The following GLRX3 variants were observed in gnomAD, a reference collection of about 807,000 sequenced individuals.
The protein encoded by GLRX3 is glutaredoxin 3.
A neutral mutation model predicts 49.5 loss-of-function variants in GLRX3; 22 were observed. That is an observed-to-expected ratio of 0.44 (90% CI 0.32 to 0.63). The LOEUF (loss-of-function observed/expected upper bound fraction) is 0.63. GLRX3 is among the 30% of genes least tolerant of loss of function. GLRX3 has a pLI of 0.05. For missense variants in GLRX3, 385 were observed against 396.3 expected, an observed-to-expected ratio of 0.97 and a Z score of 0.24; for synonymous variants, 133 against 140.0, an observed-to-expected ratio of 0.95 and a Z score of 0.35.
At chr10:130,163,948 G>A (rs1035132208) in intron 4 of GLRX3, among the ~76,000 whole-genome samples, 9 of 152,212 alleles carry the variant, frequency 5.9e-5, no homozygotes, top group African/African-American at 1.9e-4. Context: ...CCACTGCGGA[G>A]TATTTTGATG....
chr10:130,144,110 A>ACTG (rs1254130340), intron 1 of GLRX3, among the ~76,000 whole-genome samples: 1 of 152,118 alleles, frequency 6.6e-6, no homozygotes, highest in African/African-American at 2.4e-5. Flanking sequence ...TTCAACACTT[A>ACTG]CTGCTGTTTC....
chr10:130,150,239 CAAAAAAAAAA>C (rs35014993), intron 2 of GLRX3, among the ~76,000 whole-genome samples: 1 of 94,538 alleles, frequency 1.1e-5, no homozygotes. Flanking sequence ...GACTCCATCT[CAAAAAAAAAA>C]AAAAAAGAAA....
intron 6 of GLRX3, among the ~76,000 whole-genome samples, chr10:130,169,048 C>A (rs1862751597): frequency 6.6e-6 from 1 of 152,150 alleles, no homozygotes; most frequent in Non-Finnish European, 1.5e-5. Context: ...TACACGTGTA[C>A]AGTGGTATGC....
chr10:130,162,354 A>C (rs1862591097), intron 4 of GLRX3, among the ~76,000 whole-genome samples: 1 of 152,210 alleles, frequency 6.6e-6, no homozygotes. Flanking sequence ...AATGCCTGCT[A>C]TTTGTGTATT....
intron 1 of GLRX3, among the ~76,000 whole-genome samples, chr10:130,142,292 C>T (rs1240551640): frequency 6.6e-6 from 1 of 152,148 alleles, no homozygotes; most frequent in Non-Finnish European, 1.5e-5. Flanking sequence ...AACAGGATTT[C>T]AGGTAGCATC....
chr10:130,176,151 C>G (rs868780049), intron 10 of GLRX3, among the ~76,000 whole-genome samples: 1 of 143,684 alleles, frequency 7.0e-6, no homozygotes, highest in African/African-American at 2.6e-5. Flanking sequence ...GAGAGAGTTT[C>G]GCTCTTGTTC....
At chr10:130,154,136 G>A (rs1368619288) in intron 2 of GLRX3, among the ~76,000 whole-genome samples, 3 of 152,226 alleles carry the variant, frequency 2.0e-5, no homozygotes, top group East Asian at 1.9e-4. Flanking sequence ...GGGACTCACC[G>A]AGCCAGGCAC....
At chr10:130,143,169 A>C (rs1035315407) in intron 1 of GLRX3, among the ~76,000 whole-genome samples, 1 of 152,024 alleles carries the variant, frequency 6.6e-6, no homozygotes, top group Non-Finnish European at 1.5e-5. Flanking sequence ...TCTGTCACCA[A>C]ATCCTGCCCC....
chr10:130,144,343 A>C (rs1862230515), intron 1 of GLRX3, among the ~76,000 whole-genome samples: 3 of 144,456 alleles, frequency 2.1e-5, no homozygotes. Context: ...CAGAATGTGC[A>C]GGTTTCTTAC....
chr10:130,175,119 A>G lies in GLRX3; in HGVS notation c.957+30A>G, dbSNP rs750020936. ...GGCCAGTTCTTCTGCTGTTCTAAAG[A>G]ACGGAAAAGATTTTGGTATGTTTAA... On this transcript the variant is annotated intron_variant, in intron 10 of 10. Transcript: ENST00000331244. The G allele has an allele frequency of 2.5e-6, 3 of 1,215,636 alleles. No individual in the cohort carries two copies. In the South Asian group the frequency reaches 3.6e-5, roughly 15 times the overall value. The allele number at this position is 1,215,636 out of a possible 1,614,324, so 75.3% of individuals were successfully genotyped here.
chr10:130,147,765 G>A (rs1862295899), intron 2 of GLRX3, among the ~76,000 whole-genome samples: 4 of 152,214 alleles, frequency 2.6e-5, no homozygotes, highest in Admixed American at 2.0e-4. Flanking sequence ...GTGCAGGCTG[G>A]GCGCCTCGGC....
At chr10:130,143,859 G>A (rs1443508156) in intron 1 of GLRX3, among the ~76,000 whole-genome samples, 2 of 151,886 alleles carry the variant, frequency 1.3e-5, no homozygotes, top group Non-Finnish European at 2.9e-5. Context: ...CAACACACCC[G>A]GCTAATTTTT....
At chr10:130,162,424 T>C (rs1354526941) in intron 4 of GLRX3, among the ~76,000 whole-genome samples, 1 of 152,252 alleles carries the variant, frequency 6.6e-6, no homozygotes, top group Non-Finnish European at 1.5e-5. Context: ...CTGTTGCGTT[T>C]GTTATTTTGT....
At position 130,166,616 on chromosome 10, in the gene GLRX3, T is replaced by C; in HGVS notation, c.588T>C (p.Ser196=). The change falls in exon 5 of 11, where the codon AGT becomes AGC. Residue 196 remains serine, a synonymous_variant. Coordinates refer to ENST00000331244, the MANE Select transcript of GLRX3 (RefSeq NM_006541.5). Reference sequence around the variant, plus strand: ...GACAGGGACTCAAAGCCTATTCCAGTTGGCCTACCTATCCTCAGCTCTATG... The same window carrying C: ...GACAGGGACTCAAAGCCTATTCCAGCTGGCCTACCTATCCTCAGCTCTATG... ...EVRQGLKAYS[S]WPTYPQLYVS... 1 of 1,611,228 alleles carries C rather than the reference T, an allele frequency of 6.2e-7. No individual in the cohort carries two copies. The highest frequency in any genetic ancestry group is 2.2e-5 in the East Asian group (1 of 44,850).
intron 1 of GLRX3, among the ~76,000 whole-genome samples, chr10:130,145,002 T>C (rs1449406530): frequency 6.6e-6 from 1 of 152,250 alleles, no homozygotes; most frequent in Non-Finnish European, 1.5e-5. Flanking sequence ...TGAAATATCA[T>C]TGAATTGAAA....
In GLRX3 at chr10:130,179,411, C is replaced by CCCAA. The variant is rs1293327263; in HGVS notation, c.*21_*24dup. On this transcript the variant is annotated 3_prime_UTR_variant, in exon 11 of 11. Transcript: ENST00000331244. Reference sequence around the variant, plus strand: ...AAATTAATAAATCTTAAACTTGGTGCCCAACTATTGTAAGAAATATTTAAT... The same window carrying CCCAA: ...AAATTAATAAATCTTAAACTTGGTGCCCAACCAACTATTGTAAGAAATATTTAAT... The CCCAA allele has an allele frequency of 9.7e-6, 13 of 1,338,730 alleles. No homozygotes were observed. Among genetic ancestry groups the CCCAA allele is most frequent in the Non-Finnish European group, 1.3e-5 (12 of 946,232 alleles). The allele number at this position is 1,338,730 out of a possible 1,614,324, so 82.9% of individuals were successfully genotyped here.
In GLRX3 at chr10:130,157,109, A is replaced by AT. The variant is rs559626903; in HGVS notation, c.202-2885dup. ...TTCTCTAGAGAAACAGAACTAACTA[A>AT]TAGGATAGGTACAGATAGATGAGAG... On this transcript the variant is annotated intron_variant, in intron 2 of 10. Coordinates refer to ENST00000331244, the MANE Select transcript of GLRX3 (RefSeq NM_006541.5). Among the ~76,000 whole-genome samples the AT allele has an allele frequency of 5.6e-4, 85 of 152,172 alleles. 1 individual carries two copies. The highest frequency in any genetic ancestry group is 1.2e-3 in the Admixed American group (18 of 15,278).
At chr10:130,160,763 T>C (rs1862559671) in intron 3 of GLRX3, 33 bp from the exon 4 acceptor site, 1 of 1,116,302 alleles carries the variant, frequency 9.0e-7, no homozygotes. Context: ...TATGGAATGC[T>C]GCATGTATTC....
Position 130,160,829 on chromosome 10 carries a change from C to T in GLRX3, c.310C>T (p.His104Tyr), listed in dbSNP as rs925022841. ...GAAAATCGACCGATTAGATGGTGCA[C>T]ATGCCCCAGAGTTGACCAAAAAAGT... ...SQKIDRLDGA[H>Y]APELTKKVQR... is the part of the protein sequence containing the mutation. Residue 104 changes from histidine (H) to tyrosine (Y), a missense_variant, in exon 4 of 11, where the codon CAT becomes TAT. By Grantham distance (83) the His-to-Tyr change is moderately conservative. Transcript: ENST00000331244. 1.9e-6 allele frequency: 3 copies of T among 1,606,652 alleles called. No individual in the cohort carries two copies. Among genetic ancestry groups the T allele is most frequent in the Non-Finnish European group, 2.6e-6 (3 of 1,173,236 alleles).
Sources: allele counts gnomAD v4.1 joint callset (sites outside exome capture counted in the v4.1 genomes callset), GRCh38; gene constraint gnomAD v4.1.1; transcripts MANE v1.5; gene names NCBI Gene and HGNC (gene_info 2026-07-23, HGNC 2026-07-21).